TUSC3: variants seen among roughly 807,000 people sequenced by gnomAD.
The protein encoded by TUSC3 is tumor suppressor candidate 3.
Under a neutral mutation model 44.8 loss-of-function variants are expected in TUSC3, and 45 were observed. The observed-to-expected ratio is 1.00, with a 90% confidence interval of 0.79 to 1.29. The LOEUF is 1.29. Among genes scored for constraint, TUSC3 ranks in the 50% most tolerant of loss-of-function variants. TUSC3 has a pLI of 0.00. For synonymous variants in TUSC3, 212 were observed against 152.9 expected (o/e 1.39, Z -2.85); for missense variants, 519 against 437.9 (o/e 1.19, Z -1.65).
chr8:15,480,074 C>T (rs970259951), intron 1 of TUSC3, among the ~76,000 whole-genome samples: 1 of 152,072 alleles, frequency 6.6e-6, no homozygotes, highest in Non-Finnish European at 1.5e-5. Context: ...AATACAATAC[C>T]TAGGAATACA....
At position 15,659,517 on chromosome 8, in the gene TUSC3, A is replaced by T. The variant is rs762022049; in HGVS notation, c.437A>T (p.Asn146Ile). The T allele has an allele frequency of 6.2e-7, 1 of 1,612,756 alleles. No individual in the cohort carries two copies. The highest frequency in any genetic ancestry group is 8.5e-7 in the Non-Finnish European group (1 of 1,179,590). ...GTDVFQQLNM[N>I]SAPTFMHFPP... ...TCTCATGTTTTACAGCTCAACATGAACTCTGCTCCTACATTCATGCATTTT... is the reference window on the plus strand; with the variant it reads ...TCTCATGTTTTACAGCTCAACATGATCTCTGCTCCTACATTCATGCATTTT... The change falls in exon 4 of 11, where the codon AAC becomes ATC. Residue 146 changes from asparagine (N) to isoleucine (I), a missense_variant. Physicochemically the swap from Asn to Ile is moderately radical, Grantham distance 149. Coordinates refer to ENST00000503731, the MANE Select transcript of TUSC3 (RefSeq NM_006765.4).
At chr8:15,704,001 A>G (rs905477304) in intron 6 of TUSC3, among the ~76,000 whole-genome samples, 1 of 152,150 alleles carries the variant, frequency 6.6e-6, no homozygotes, top group Non-Finnish European at 1.5e-5. Context: ...TATAACCTCA[A>G]AAAGCTTTTA....
chr8:15,466,762 A>T (rs1257390436), intron 1 of TUSC3, among the ~76,000 whole-genome samples: 1 of 152,120 alleles, frequency 6.6e-6, no homozygotes, highest in Non-Finnish European at 1.5e-5. Flanking sequence ...AAGTCATCTT[A>T]GTATAATTCA....
chr8:15,605,659 A>G (rs927740181), intron 1 of TUSC3, among the ~76,000 whole-genome samples: 3 of 151,870 alleles, frequency 2.0e-5, no homozygotes, highest in African/African-American at 7.3e-5. Context: ...ATGTATATAC[A>G]TACTAGTCTA....
At chr8:15,845,426 T>C in the TUSC3 span, among the ~76,000 whole-genome samples, 1 of 152,122 alleles carries the variant, frequency 6.6e-6, no homozygotes, top group African/African-American at 2.4e-5. Flanking sequence ...TATGTGCATG[T>C]TTTTCAGGGA....
At chr8:15,767,179 G>A (rs575049821), downstream of TUSC3, among the ~76,000 whole-genome samples, 2 of 151,978 alleles carry the variant, frequency 1.3e-5, no homozygotes, top group East Asian at 1.9e-4. Flanking sequence ...TATAATTCAC[G>A]AGCATCTGCC....
intron 2 of TUSC3, among the ~76,000 whole-genome samples, chr8:15,531,124 A>G (rs764277167): frequency 1.5e-4 from 23 of 152,176 alleles, no homozygotes; most frequent in Non-Finnish European, 2.8e-4. Context: ...GAATCAAGGG[A>G]AAGGAGCTCA....
intron 1 of TUSC3, among the ~76,000 whole-genome samples, chr8:15,442,287 A>C (rs1373786912): frequency 6.6e-6 from 1 of 152,092 alleles, no homozygotes; most frequent in African/African-American, 2.4e-5. Context: ...TTTCTCTAAG[A>C]AAGTAATCTG....
Position 15,748,414 on chromosome 8 carries a change from T to A in TUSC3, c.977T>A (p.Phe326Tyr). ...GGATTGGGCCTGGTGGTCTTCTTCT[T>A]CAGTTTTCTACTTTCAATATTTCGT... ...LVGLGLVVFF[F>Y]SFLLSIFRSK... Residue 326 changes from phenylalanine (F) to tyrosine (Y), a missense_variant, in exon 9 of 11, where the codon TTC becomes TAC. By Grantham distance (22) the Phe-to-Tyr change is conservative. Coordinates refer to ENST00000503731, the MANE Select transcript of TUSC3 (RefSeq NM_006765.4). 1 of 1,613,576 alleles carries A rather than the reference T, an allele frequency of 6.2e-7. No homozygotes were observed. Among genetic ancestry groups the A allele is most frequent in the Non-Finnish European group, 8.5e-7 (1 of 1,179,620 alleles).
chr8:15,443,626 T>C (rs920586081), intron 1 of TUSC3, among the ~76,000 whole-genome samples: 13 of 152,078 alleles, frequency 8.5e-5, no homozygotes, highest in African/African-American at 2.9e-4. Context: ...ATTTATAGTT[T>C]AAAACAAAGA....
intron 1 of TUSC3, among the ~76,000 whole-genome samples, chr8:15,450,129 CAT>C (rs1449564403): frequency 1.3e-5 from 2 of 152,054 alleles, no homozygotes; most frequent in African/African-American, 2.4e-5. Context: ...TCTTTATAAA[CAT>C]GTATAAAAAA....
chr8:15,572,349 G>A (rs1166495491), intron 1 of TUSC3, among the ~76,000 whole-genome samples: 1 of 152,072 alleles, frequency 6.6e-6, no homozygotes, highest in Admixed American at 6.6e-5. Flanking sequence ...TTTTTCTTCT[G>A]TAGCTTCCTT....
intron 1 of TUSC3, among the ~76,000 whole-genome samples, chr8:15,447,031 A>G (rs1180639341): frequency 2.6e-5 from 4 of 152,092 alleles, no homozygotes; most frequent in Admixed American, 1.3e-4. Flanking sequence ...AGTAACTTCA[A>G]TACTGTTTCC....
the TUSC3 span, among the ~76,000 whole-genome samples, chr8:15,830,645 AAATAACTT>A: frequency 6.6e-6 from 1 of 152,210 alleles, no homozygotes; most frequent in Non-Finnish European, 1.5e-5. Context: ...ATCCTAAGTG[AAATAACTT>A]AAAAACAGAA....
At chr8:15,763,437 A>C (rs1244677585) in intron 10 of TUSC3, among the ~76,000 whole-genome samples, 1 of 151,462 alleles carries the variant, frequency 6.6e-6, no homozygotes, top group African/African-American at 2.4e-5. Flanking sequence ...AAGAACTATT[A>C]ATTTCATTTT....
chr8:15,618,156 AGCG>A (rs1694069978), intron 1 of TUSC3, among the ~76,000 whole-genome samples: 1 of 152,148 alleles, frequency 6.6e-6, no homozygotes, highest in African/African-American at 2.4e-5. Context: ...ATAAGTCAGT[AGCG>A]GTGAGTGAGT....
At chr8:15,570,954 G>GTTTTTTGTTTTTTTTTTTTTTT (rs1802850803) in intron 1 of TUSC3, among the ~76,000 whole-genome samples, 1 of 44,494 alleles carries the variant, frequency 2.2e-5, no homozygotes, top group Non-Finnish European at 5.2e-5. Flanking sequence ...TTGCCTATTA[G>GTTTTTTGTTTTTTTTTTTTTTT]TTTTTTTTTT....
intron 1 of TUSC3, among the ~76,000 whole-genome samples, chr8:15,553,518 C>T (rs151079357): frequency 4.0e-5 from 4 of 101,036 alleles, no homozygotes; most frequent in African/African-American, 1.4e-4. Context: ...GGAAACACAG[C>T]AGAATTTTGG....
At chr8:15,775,156 C>T in the TUSC3 span, among the ~76,000 whole-genome samples, 2 of 152,070 alleles carry the variant, frequency 1.3e-5, no homozygotes, top group Non-Finnish European at 2.9e-5. Flanking sequence ...AGTACTGTTA[C>T]ATCCTGCAGC....
Sources: allele counts gnomAD v4.1 joint callset (sites outside exome capture counted in the v4.1 genomes callset), GRCh38; gene constraint gnomAD v4.1.1; transcripts MANE v1.5; gene names NCBI Gene and HGNC (gene_info 2026-07-23, HGNC 2026-07-21).